Variants in AP3B2 observed in about 807,000 individuals in gnomAD.
AP3B2 encodes the protein AP-3 complex subunit beta-2.
AP3B2 carries 50 observed loss-of-function variants against 126.9 expected under a neutral mutation model. The ratio of observed to expected loss-of-function variants is 0.39; its 90% CI spans 0.31 to 0.50. AP3B2 has a LOEUF of 0.50. AP3B2 is among the 20% of genes least tolerant of loss of function. AP3B2 has a pLI of 0.79. For missense variants in AP3B2, 1,177 were observed against 1,426.4 expected (o/e 0.83, Z 2.82); for synonymous variants, 541 against 565.0 (o/e 0.96, Z 0.60).
rs758650007 is a variant in AP3B2, at chr15:82,659,547, C to T, written c.*13G>A. 2.4e-5 allele frequency: 39 copies of T among 1,613,356 alleles called. No individual in the cohort carries two copies. Among genetic ancestry groups the T allele is most frequent in the Non-Finnish European group, 3.1e-5 (36 of 1,179,604 alleles). On this transcript the variant is annotated 3_prime_UTR_variant, in exon 27 of 27. Coordinates refer to ENST00000535359, the MANE Select transcript of AP3B2 (RefSeq NM_001278512.2). ...GTATAGATGGGAGCCAAACAGGTCA[C>T]AGCATTTGGAAGTCACTGGGTCAGA...
intron 1 of AP3B2, 51 bp downstream of exon 1, chr15:82,709,543 C>G (rs1256198740): frequency 1.1e-4 from 150 of 1,348,844 alleles, no homozygotes; most frequent in Non-Finnish European, 1.4e-4. Flanking sequence ...GCGCGCCTCG[C>G]CCGGTCCCCG....
chr15:82,672,132 A>T (rs552653750), intron 14 of AP3B2, among the ~76,000 whole-genome samples: 1 of 152,324 alleles, frequency 6.6e-6, no homozygotes, highest in South Asian at 2.1e-4. Context: ...GGAAATCAAC[A>T]TATTGAAGTT....
intron 1 of AP3B2, among the ~76,000 whole-genome samples, chr15:82,690,182 A>G (rs1021629656): frequency 6.6e-6 from 1 of 151,382 alleles, no homozygotes; most frequent in Non-Finnish European, 1.5e-5. Flanking sequence ...TGGCCTCCAG[A>G]GCTGTGAGAC....
intron 14 of AP3B2, among the ~76,000 whole-genome samples, chr15:82,675,593 C>T (rs749041644): frequency 6.6e-6 from 1 of 152,156 alleles, no homozygotes; most frequent in Non-Finnish European, 1.5e-5. Context: ...ATAAAAGGGC[C>T]AGAGAATAAC....
Position 82,678,510 on chromosome 15 carries a change from C to T in AP3B2, c.1183-343G>A, listed in dbSNP as rs867625217. 5.3e-5 allele frequency among the ~76,000 whole-genome samples: 8 copies of T among 152,298 alleles called. 1 individual carries two copies. In the Middle Eastern group the frequency reaches 0.017, roughly 324 times the overall value. On this transcript the variant is annotated intron_variant, in intron 10 of 26. Transcript: ENST00000535359. ...GATCTGCTTGCTGTCTACCTCCCAT[C>T]TCCCATCACTGTCCCCCTTGTCTTC...
chr15:82,679,248 C>T (rs907261936), intron 10 of AP3B2, among the ~76,000 whole-genome samples: 8 of 152,172 alleles, frequency 5.3e-5, no homozygotes, highest in African/African-American at 1.2e-4. Flanking sequence ...CTCAGCCTCT[C>T]GAGTAGCTGG....
rs1596163092 is a variant in AP3B2 at position 82,659,462 on chromosome 15, A to G, written c.*98T>C. The G allele has an allele frequency of 3.4e-6, 5 of 1,488,496 alleles. No homozygotes were observed. Among genetic ancestry groups the G allele is most frequent in the East Asian group, 4.6e-5 (2 of 43,940 alleles). 92.2% of individuals were successfully genotyped at this position (1,488,496 alleles called of 1,614,324 possible). A position where few individuals can be genotyped will look rare whatever the true frequency, so the allele number is the denominator to read the frequency against. On this transcript the variant is annotated 3_prime_UTR_variant, in exon 27 of 27. Transcript: ENST00000535359. Reference sequence around the variant, plus strand: ...ACCCTGAATGCTATCTGGCATGAGGAGGATGATGAGAGAGAGAGAGAAAGA... The same window carrying G: ...ACCCTGAATGCTATCTGGCATGAGGGGGATGATGAGAGAGAGAGAGAAAGA...
intron 1 of AP3B2, among the ~76,000 whole-genome samples, chr15:82,691,193 C>T (rs2048525627): frequency 6.6e-6 from 1 of 152,178 alleles, no homozygotes. Context: ...ACACTGTCTT[C>T]CACAATGGGT....
chr15:82,684,323 G>A (rs2048391092), intron 4 of AP3B2, among the ~76,000 whole-genome samples: 1 of 152,108 alleles, frequency 6.6e-6, no homozygotes, highest in African/African-American at 2.4e-5. Context: ...CAGCACTTTT[G>A]CTTCACCTTG....
At chr15:82,661,508 G>A (rs2047947371) in intron 25 of AP3B2, among the ~76,000 whole-genome samples, 1 of 152,040 alleles carries the variant, frequency 6.6e-6, no homozygotes, top group Admixed American at 6.5e-5. Context: ...AATATTTCAT[G>A]ACACATGAAA....
At position 82,659,384 on chromosome 15, in the gene AP3B2, A is replaced by G. The variant is rs1261163775; in HGVS notation, c.*176T>C. On this transcript the variant is annotated 3_prime_UTR_variant, in exon 27 of 27. Coordinates refer to ENST00000535359, the MANE Select transcript of AP3B2 (RefSeq NM_001278512.2). The stretch of plus-strand genomic sequence containing the variant: ...CTCTCTCTGCACAGATCACTAAGGA[A>G]TCCATGGGGAGGGCATTAGGGGAGG... 7.0e-6 allele frequency: 5 copies of G among 715,338 alleles called. No homozygotes were observed. In the Admixed American group the frequency reaches 1.1e-4, roughly 16 times the overall value. 44.3% of individuals were successfully genotyped at this position (715,338 alleles called of 1,614,324 possible).
At chr15:82,662,093 C>G in intron 24 of AP3B2, 75 bp downstream of exon 24, 2 of 1,437,212 alleles carry the variant, frequency 1.4e-6, no homozygotes, top group Non-Finnish European at 1.9e-6. Flanking sequence ...TAAGCACCAC[C>G]TCCATTTCCA....
intron 1 of AP3B2, among the ~76,000 whole-genome samples, chr15:82,693,312 T>C (rs1346681596): frequency 4.6e-5 from 7 of 151,520 alleles, no homozygotes; most frequent in East Asian, 3.9e-4. Flanking sequence ...AATGGCACGA[T>C]CTCGGGTCAC....
intron 1 of AP3B2, among the ~76,000 whole-genome samples, chr15:82,705,481 C>G (rs544852225): frequency 1.4e-4 from 22 of 152,284 alleles, no homozygotes; most frequent in Non-Finnish European, 2.4e-4. Flanking sequence ...CCCTCCACAA[C>G]CCATCATTCT....
At chr15:82,701,778 T>C (rs774951405) in intron 1 of AP3B2, among the ~76,000 whole-genome samples, 1 of 152,252 alleles carries the variant, frequency 6.6e-6, no homozygotes, top group Non-Finnish European at 1.5e-5. Context: ...TTTTAAATCA[T>C]CCACAACAGA....
In AP3B2 at chr15:82,662,706, A is replaced by G. The variant is rs1194246161; in HGVS notation, c.2821T>C (p.Phe941Leu). 3.1e-6 allele frequency: 5 copies of G among 1,612,912 alleles called. No individual in the cohort carries two copies. The highest frequency in any genetic ancestry group is 4.2e-6 in the Non-Finnish European group (5 of 1,179,474). ...KLPAGISIQE[F>L]PEIESLAPGE... ...AAGCCCTTCGCACCAATTTCGGGAA[A>G]TTCTTGGATGCTGATGCCAGCAGGC... The change falls in exon 23 of 27, where the codon TTT (phenylalanine) becomes CTT (leucine). Residue 941 changes from phenylalanine (F) to leucine (L), a missense_variant. Phe to Leu is a conservative substitution (Grantham distance 22). Transcript: ENST00000535359.
At chr15:82,697,083 G>A (rs1201186289) in intron 1 of AP3B2, among the ~76,000 whole-genome samples, 3 of 152,166 alleles carry the variant, frequency 2.0e-5, no homozygotes, top group African/African-American at 7.2e-5. Context: ...TGTAATCCCA[G>A]CACTTTGGGA....
rs147934623 is a variant in AP3B2 at position 82,700,834 on chromosome 15, C to G, written c.113+8760G>C. Among the ~76,000 whole-genome samples the G allele has an allele frequency of 6.3e-3, 962 of 152,090 alleles. 4 individuals are homozygous for G. Among genetic ancestry groups the G allele is most frequent in the Non-Finnish European group, 0.011 (728 of 67,982 alleles). On this transcript the variant is annotated intron_variant, in intron 1 of 26. Coordinates refer to ENST00000535359, the MANE Select transcript of AP3B2 (RefSeq NM_001278512.2). Reference sequence around the variant, plus strand: ...ATGAAATCCCCTGCAGCCCCCTGCCCCAGACTCCCATCCATCTGCATTTAT... The same window carrying G: ...ATGAAATCCCCTGCAGCCCCCTGCCGCAGACTCCCATCCATCTGCATTTAT...
At position 82,665,738 on chromosome 15, in the gene AP3B2, T is replaced by A. The variant is rs930299477; in HGVS notation, c.1853-163A>T. On this transcript the variant is annotated intron_variant, in intron 15 of 26. Transcript: ENST00000535359. The surrounding 1 kb of genome is among the most constrained non-coding windows in gnomAD (Gnocchi z 4.4). ...ATGGCTCTTCCACCCTGACTGCACC[T>A]TTAGGCCCACATGCTGGAAGAAAAG... is the stretch of plus-strand genomic sequence containing the variant. 6.6e-6 allele frequency among the ~76,000 whole-genome samples: 1 copy of A among 152,164 alleles called. No homozygotes were observed. Among genetic ancestry groups the A allele is most frequent in the African/African-American group, 2.4e-5 (1 of 41,446 alleles).
Sources: allele counts gnomAD v4.1 joint callset (sites outside exome capture counted in the v4.1 genomes callset), GRCh38; gene constraint gnomAD v4.1.1; non-coding constraint Gnocchi (gnomAD v3.1); transcripts MANE v1.5; gene names NCBI Gene and HGNC (gene_info 2026-07-23, HGNC 2026-07-21).